EYS: variants seen among roughly 807,000 people sequenced by gnomAD.
The protein encoded by EYS is protein eyes shut homolog.
Under a neutral mutation model 282.1 loss-of-function variants are expected in EYS, and 250 were observed. The observed-to-expected ratio is 0.89, with a 90% confidence interval of 0.80 to 0.98. EYS has a LOEUF of 0.98. EYS is among the 50% of genes least tolerant of loss of function. The probability of loss-of-function intolerance (pLI) is 0.00; values close to 1 mark genes in which losing one functional copy is unlikely to be tolerated. For synonymous variants in EYS, 1,355 were observed against 1,282.9 expected, an observed-to-expected ratio of 1.06 and a Z score of -1.20; for missense variants, 4,016 against 3,709.0, an observed-to-expected ratio of 1.08 and a Z score of -2.15.
At chr6:63,954,726 C>G (rs1765741178) in intron 35 of EYS, among the ~76,000 whole-genome samples, 1 of 152,194 alleles carries the variant, frequency 6.6e-6, no homozygotes, top group Non-Finnish European at 1.5e-5. Context: ...CCCGCTGAAA[C>G]TTCCACCTAT....
intron 29 of EYS, among the ~76,000 whole-genome samples, chr6:64,363,379 G>A (rs930605502): frequency 6.6e-6 from 1 of 151,916 alleles, no homozygotes; most frequent in African/African-American, 2.4e-5. Flanking sequence ...GCACACTGAT[G>A]TTAAGCTGAG....
intron 14 of EYS, among the ~76,000 whole-genome samples, chr6:64,980,084 G>A (rs1562285096): frequency 1.3e-5 from 2 of 150,980 alleles, no homozygotes. Context: ...TTTTTTAAAA[G>A]AAAAGGAAAG....
At chr6:65,266,743 G>A (rs1326076454) in intron 12 of EYS, among the ~76,000 whole-genome samples, 1 of 151,388 alleles carries the variant, frequency 6.6e-6, no homozygotes, top group East Asian at 1.9e-4. Context: ...TTAGTATCAT[G>A]AGCTCAAAGC....
chr6:64,315,471 A>G (rs193082497), intron 29 of EYS, among the ~76,000 whole-genome samples: 83 of 152,052 alleles, frequency 5.5e-4, no homozygotes, highest in African/African-American at 1.9e-3. Context: ...CACAAAAAGA[A>G]CATTTCAGGC....
chr6:64,089,466 C>G (rs1305666493), intron 31 of EYS, among the ~76,000 whole-genome samples: 1 of 149,378 alleles, frequency 6.7e-6, no homozygotes, highest in Non-Finnish European at 1.5e-5. Flanking sequence ...TTATCAATAT[C>G]TTAAATATTT....
At chr6:65,345,142 GA>G (rs1241450077) in intron 9 of EYS, among the ~76,000 whole-genome samples, 3 of 151,510 alleles carry the variant, frequency 2.0e-5, no homozygotes, top group South Asian at 2.1e-4. Flanking sequence ...CATATTACTG[GA>G]AAAAAAGAAG....
chr6:65,061,315 C>T (rs904144322), intron 12 of EYS, among the ~76,000 whole-genome samples: 4 of 151,922 alleles, frequency 2.6e-5, no homozygotes, highest in South Asian at 2.1e-4. Flanking sequence ...ATTCATGTAT[C>T]CTTTTCAAAA....
chr6:65,323,113 T>C (rs935723673), intron 11 of EYS, among the ~76,000 whole-genome samples: 7 of 146,696 alleles, frequency 4.8e-5, no homozygotes, highest in Non-Finnish European at 1.0e-4. Flanking sequence ...TTAAAATACA[T>C]TTTTTATTGT....
chr6:63,927,567 T>C (rs945794731), intron 35 of EYS, among the ~76,000 whole-genome samples: 2 of 152,062 alleles, frequency 1.3e-5, no homozygotes, highest in African/African-American at 4.8e-5. Flanking sequence ...TTAAGGTGAG[T>C]TTTTTGAGAT....
chr6:65,491,970 G>A (rs906017525), intron 4 of EYS, among the ~76,000 whole-genome samples: 1 of 152,112 alleles, frequency 6.6e-6, no homozygotes, highest in South Asian at 2.1e-4. Context: ...AGCAGTCTAT[G>A]GACCAAGCAA....
chr6:65,365,430 C>T (rs1282268412), intron 8 of EYS, among the ~76,000 whole-genome samples: 1 of 151,484 alleles, frequency 6.6e-6, no homozygotes, highest in East Asian at 1.9e-4. Context: ...CCTGTATCTC[C>T]CCCTGTGTGA....
intron 26 of EYS, among the ~76,000 whole-genome samples, chr6:64,445,012 T>A (rs1171778659): frequency 6.6e-6 from 1 of 152,218 alleles, no homozygotes; most frequent in Non-Finnish European, 1.5e-5. Context: ...CTCTTTCTTT[T>A]ATAAATTACC....
At chr6:65,700,255 T>C (rs1432021276) in intron 1 of EYS, among the ~76,000 whole-genome samples, 2 of 151,044 alleles carry the variant, frequency 1.3e-5, no homozygotes, top group Non-Finnish European at 1.5e-5. Flanking sequence ...TAGGAAACCA[T>C]GGCAATAATC....
At chr6:65,679,527 A>T (rs977006782) in intron 1 of EYS, among the ~76,000 whole-genome samples, 9 of 151,904 alleles carry the variant, frequency 5.9e-5, no homozygotes, top group Admixed American at 6.6e-5. Flanking sequence ...GTTGGTTGCC[A>T]GAGTCCGAAG....
intron 29 of EYS, among the ~76,000 whole-genome samples, chr6:64,383,001 G>T (rs746890955): frequency 2.2e-4 from 33 of 152,270 alleles, no homozygotes; most frequent in Admixed American, 5.9e-4. Flanking sequence ...AGAAAGGCAA[G>T]GCCTGCCTGG....
chr6:65,107,590 T>C (rs1775079799), intron 12 of EYS, among the ~76,000 whole-genome samples: 1 of 151,796 alleles, frequency 6.6e-6, no homozygotes, highest in Non-Finnish European at 1.5e-5. Flanking sequence ...ATATATTAGA[T>C]TCCATAGCTC....
intron 26 of EYS, among the ~76,000 whole-genome samples, chr6:64,499,164 T>C (rs1192035908): frequency 6.6e-6 from 1 of 152,196 alleles, no homozygotes; most frequent in African/African-American, 2.4e-5. Flanking sequence ...CTAACTGGCG[T>C]GAGATGGTAT....
At position 64,137,942 on chromosome 6, in the gene EYS, T is replaced by C. The variant is rs111517240; in HGVS notation, c.6425-55940A>G. 3.1e-3 allele frequency among the ~76,000 whole-genome samples: 475 copies of C among 152,268 alleles called. 2 individuals carry two copies. The highest frequency in any genetic ancestry group is 0.011 in the African/African-American group (458 of 41,554). ...AACAAAAAAATAACAAAACTCAGTATATGTGAAGCACAATAAAGTGAGGCA... is the reference window on the plus strand; with the variant it reads ...AACAAAAAAATAACAAAACTCAGTACATGTGAAGCACAATAAAGTGAGGCA... On this transcript the variant is annotated intron_variant, in intron 31 of 42. Coordinates refer to ENST00000503581, the MANE Select transcript of EYS (RefSeq NM_001142800.2).
chr6:64,040,044 C>T (rs1171142841), intron 33 of EYS, among the ~76,000 whole-genome samples: 1 of 152,122 alleles, frequency 6.6e-6, no homozygotes, highest in Non-Finnish European at 1.5e-5. Flanking sequence ...CAAGATAGAG[C>T]TTGCAAAGTT....
Sources: allele counts gnomAD v4.1 joint callset (sites outside exome capture counted in the v4.1 genomes callset), GRCh38; gene constraint gnomAD v4.1.1; transcripts MANE v1.5; gene names NCBI Gene and HGNC (gene_info 2026-07-23, HGNC 2026-07-21).